The following ORC3 variants were observed in gnomAD, a reference collection of about 807,000 sequenced individuals.
ORC3 encodes the protein origin recognition complex subunit 3, also known as homolog of latheo, Drosophila.
Under a neutral mutation model 100.7 loss-of-function variants are expected in ORC3, and 78 were observed. The observed-to-expected ratio is 0.77, with a 90% CI of 0.65 to 0.94. The LOEUF is 0.94. Ranked by LOEUF, ORC3 falls within the 40% of genes least tolerant of loss-of-function variation. The pLI is 0.00. For synonymous variants in ORC3, 295 were observed against 289.3 expected (o/e 1.02, Z -0.20); for missense variants, 789 against 823.9 (o/e 0.96, Z 0.52).
chr6:87,594,309 C>T (rs1294877038), intron 1 of ORC3, 44 bp from the exon 2 acceptor site: 2 of 1,423,464 alleles, frequency 1.4e-6, no homozygotes, highest in Non-Finnish European at 1.9e-6. Flanking sequence ...TTTCTCTGCT[C>T]CTTGGCTACT....
downstream of ORC3, among the ~76,000 whole-genome samples, chr6:87,669,642 A>T (rs964581095): frequency 6.6e-6 from 1 of 152,236 alleles, no homozygotes; most frequent in East Asian, 1.9e-4. Flanking sequence ...TAAGTCACTG[A>T]GATTCCATGA....
Position 87,667,235 on chromosome 6 carries a change from C to A in ORC3, c.*112C>A. ...TTTTGTTGAGAAGATAAATGTGTAA[C>A]CCCCATTGATGTTTAACCAGAAAAG... On this transcript the variant is annotated 3_prime_UTR_variant, in exon 20 of 20. Transcript: ENST00000392844. The A allele has an allele frequency of 1.6e-6, 1 of 623,226 alleles. No individual in the cohort carries two copies. Among genetic ancestry groups the A allele is most frequent in the Non-Finnish European group, 2.8e-6 (1 of 363,412 alleles). The allele number at this position is 623,226 out of a possible 1,614,324, so 38.6% of individuals were successfully genotyped here. A position where few individuals can be genotyped will look rare whatever the true frequency, so the allele number is the denominator to read the frequency against.
intron 2 of ORC3, among the ~76,000 whole-genome samples, chr6:87,596,452 T>G (rs934284947): frequency 6.6e-6 from 1 of 151,398 alleles, no homozygotes; most frequent in Non-Finnish European, 1.5e-5. Context: ...TTTGTTGTTT[T>G]TTTTTTTTTA....
chr6:87,656,314 A>C (rs1026542810), intron 14 of ORC3, among the ~76,000 whole-genome samples: 2 of 152,230 alleles, frequency 1.3e-5, no homozygotes, highest in African/African-American at 4.8e-5. Flanking sequence ...CTGGCTGGGC[A>C]TGGTGGCTCG....
At chr6:87,676,596 A>AACACATGCACGCGCGCACACACAC in the ORC3 span, among the ~76,000 whole-genome samples, 4 of 142,046 alleles carry the variant, frequency 2.8e-5, no homozygotes, top group African/African-American at 1.1e-4. Context: ...CTCTACTAAA[A>AACACATGCACGCGCGCACACACAC]ACACACACAC....
chr6:87,621,660 A>G (rs1408737281), intron 10 of ORC3, among the ~76,000 whole-genome samples, 173 bp downstream of exon 10: 1 of 152,134 alleles, frequency 6.6e-6, no homozygotes, highest in Non-Finnish European at 1.5e-5. Context: ...AAGTATTTTT[A>G]CAAAGGGACA....
intron 2 of ORC3, among the ~76,000 whole-genome samples, chr6:87,598,689 G>C (rs1777651833): frequency 6.7e-6 from 1 of 148,882 alleles, no homozygotes; most frequent in Non-Finnish European, 1.5e-5. Context: ...GTGGCTCTAA[G>C]ACCAACGGGT....
At chr6:87,651,086 A>G (rs1048944141) in intron 13 of ORC3, 1 of 438,504 alleles carries the variant, frequency 2.3e-6, no homozygotes, top group African/African-American at 2.0e-5. Flanking sequence ...ACCTTCTCCA[A>G]GTGACACATT....
chr6:87,618,206 C>T (rs929223865), intron 9 of ORC3, among the ~76,000 whole-genome samples: 2 of 152,060 alleles, frequency 1.3e-5, no homozygotes, highest in African/African-American at 2.4e-5. Context: ...ATCAGGAGTT[C>T]GAGGCCAGCC....
intron 11 of ORC3, among the ~76,000 whole-genome samples, chr6:87,633,506 G>A (rs543205298): frequency 6.6e-6 from 1 of 152,206 alleles, no homozygotes; most frequent in Non-Finnish European, 1.5e-5. Flanking sequence ...AATCTGCCAT[G>A]TGCTTTCAGG....
At position 87,647,233 on chromosome 6, in the gene ORC3, C is replaced by T. The variant is rs141417371; in HGVS notation, c.1383-5883C>T. The stretch of plus-strand genomic sequence containing the variant: ...AGAGTAAAAGCCGTATACAGTGACA[C>T]TATGTGACTGCCCCCCTCCTCTCCC... On this transcript the variant is annotated intron_variant, in intron 13 of 19. Transcript: ENST00000392844. Among the ~76,000 whole-genome samples, 280 of 152,310 alleles carry T rather than the reference C, an allele frequency of 1.8e-3. 1 individual carries two copies. The highest frequency in any genetic ancestry group is 0.017 in the Middle Eastern group (5 of 294).
At chr6:87,656,190 CCCT>C (rs1769674128) in intron 14 of ORC3, among the ~76,000 whole-genome samples, 1 of 152,214 alleles carries the variant, frequency 6.6e-6, no homozygotes, top group African/African-American at 2.4e-5. Flanking sequence ...TTACACACTA[CCCT>C]CCTCATACTC....
chr6:87,606,824 G>T (rs1401196810), intron 5 of ORC3, among the ~76,000 whole-genome samples: 3 of 152,148 alleles, frequency 2.0e-5, no homozygotes, highest in Non-Finnish European at 4.4e-5. Flanking sequence ...AAAGTGCTGG[G>T]ATTACATCTT....
intron 1 of ORC3, among the ~76,000 whole-genome samples, chr6:87,593,753 A>C (rs1364234263): frequency 6.6e-6 from 1 of 152,184 alleles, no homozygotes; most frequent in Non-Finnish European, 1.5e-5. Context: ...CTGGAGTGCA[A>C]TGGCACGATC....
intron 11 of ORC3, among the ~76,000 whole-genome samples, chr6:87,631,627 G>C (rs1158334186): frequency 6.6e-6 from 1 of 151,836 alleles, no homozygotes; most frequent in Non-Finnish European, 1.5e-5. Flanking sequence ...CAAGTAGCTG[G>C]GATTACAGGC....
chr6:87,613,733 G>A (rs1241304610), intron 8 of ORC3, among the ~76,000 whole-genome samples: 2 of 152,164 alleles, frequency 1.3e-5, no homozygotes, highest in Non-Finnish European at 2.9e-5. Context: ...ATCCAGCGAG[G>A]TAGTCAAGTC....
chr6:87,671,525 T>A (rs1202654435), downstream of ORC3, among the ~76,000 whole-genome samples: 1 of 151,946 alleles, frequency 6.6e-6, no homozygotes, highest in East Asian at 1.9e-4. Flanking sequence ...CTGATGTCCT[T>A]ATGATGAGAT....
At chr6:87,659,058 A>ATTTTTTTTTTTTT (rs71021316) in intron 16 of ORC3, among the ~76,000 whole-genome samples, 1 of 93,276 alleles carries the variant, frequency 1.1e-5, no homozygotes, top group African/African-American at 5.0e-5. Context: ...GTTTATTGTA[A>ATTTTTTTTTTTTT]TTTTTTTTTT....
At chr6:87,630,795 G>A (rs1404456371) in intron 11 of ORC3, among the ~76,000 whole-genome samples, 1 of 152,112 alleles carries the variant, frequency 6.6e-6, no homozygotes, top group East Asian at 1.9e-4. Context: ...GGAATTCTAA[G>A]CAGGTAGAAA....
Sources: gnomAD v4.1 joint callset for allele counts (sites outside exome capture counted in the v4.1 genomes callset) on GRCh38, gnomAD v4.1.1 for gene constraint, MANE v1.5 for transcripts, NCBI Gene and HGNC (gene_info 2026-07-23, HGNC 2026-07-21) for gene names.